CEP85: variants seen among roughly 807,000 people sequenced by gnomAD.
CEP85 encodes centrosomal protein of 85 kDa.
In CEP85, 58 loss-of-function variants were observed where a neutral mutation model predicts 93.7. That is an observed-to-expected ratio of 0.62 (90% confidence interval 0.50 to 0.77). CEP85 has a LOEUF of 0.77. CEP85 is among the 30% of genes least tolerant of loss of function. The probability of loss-of-function intolerance (pLI) is 0.00; values close to 1 mark genes in which losing one functional copy is unlikely to be tolerated. For synonymous variants in CEP85, 314 were observed against 338.6 expected, an observed-to-expected ratio of 0.93 and a Z score of 0.80; for missense variants, 868 against 922.0, an observed-to-expected ratio of 0.94 and a Z score of 0.76.
chr1:26,250,879 G>A (rs1322022581), intron 3 of CEP85, among the ~76,000 whole-genome samples: 3 of 149,600 alleles, frequency 2.0e-5, no homozygotes, highest in Non-Finnish European at 4.4e-5. Context: ...TAACATGGTG[G>A]AAAAGCAGAG....
At chr1:26,276,956 G>A (rs34306014) in intron 13 of CEP85, among the ~76,000 whole-genome samples, 180 bp from the exon 14 acceptor site, 130 of 152,322 alleles carry the variant, frequency 8.5e-4, no homozygotes, top group Non-Finnish European at 1.6e-3. Flanking sequence ...TGGGGTACTT[G>A]CATGCAGGAC....
chr1:26,271,006 T>G lies in CEP85; in HGVS notation c.1650-8T>G. 6.3e-7 allele frequency: 1 copy of G among 1,592,586 alleles called. No individual in the cohort carries two copies. The highest frequency in any genetic ancestry group is 8.6e-7 in the Non-Finnish European group (1 of 1,160,786). On this transcript the variant is annotated splice_region_variant and splice_polypyrimidine_tract_variant and intron_variant, in intron 9 of 13. Coordinates refer to ENST00000451429, the MANE Select transcript of CEP85 (RefSeq NM_001319944.2). ...TTCAGAGTTCTTGAAGAGGCCACTG[T>G]CTTTCAGCCTGCAAGATAAACAGTC...
intron 2 of CEP85, among the ~76,000 whole-genome samples, chr1:26,242,814 G>A (rs200161084): frequency 7.2e-6 from 1 of 138,090 alleles, no homozygotes; most frequent in Non-Finnish European, 1.6e-5. Context: ...TTGTTTATTT[G>A]TTTACATGGA....
chr1:26,270,160 G>T (rs1042146578), intron 9 of CEP85, among the ~76,000 whole-genome samples: 2 of 152,116 alleles, frequency 1.3e-5, no homozygotes, highest in Non-Finnish European at 2.9e-5. Context: ...CTAACCCAGT[G>T]CCTGGCACAT....
intron 9 of CEP85, among the ~76,000 whole-genome samples, chr1:26,270,009 C>T (rs1042114472): frequency 2.0e-5 from 3 of 152,036 alleles, no homozygotes; most frequent in African/African-American, 7.2e-5. Flanking sequence ...ATCTCCTGAC[C>T]TCGTGATCCA....
intron 12 of CEP85, among the ~76,000 whole-genome samples, chr1:26,275,827 A>G (rs1351371392): frequency 6.6e-6 from 1 of 152,216 alleles, no homozygotes; most frequent in Non-Finnish European, 1.5e-5. Flanking sequence ...GACGGACTCT[A>G]TTCAGACTCT....
At chr1:26,265,074 C>T (rs1303083098) in intron 7 of CEP85, among the ~76,000 whole-genome samples, 1 of 150,146 alleles carries the variant, frequency 6.7e-6, no homozygotes, top group Non-Finnish European at 1.5e-5. Flanking sequence ...GCCTCCATCT[C>T]CCGGGTTCAA....
chr1:26,251,854 A>G (rs2089622425), intron 3 of CEP85, among the ~76,000 whole-genome samples: 2 of 152,150 alleles, frequency 1.3e-5, no homozygotes, highest in Admixed American at 6.6e-5. Flanking sequence ...ACAACCTCAC[A>G]GTCTTCTGTT....
At chr1:26,241,802 C>T (rs1052056001) in intron 2 of CEP85, among the ~76,000 whole-genome samples, 5 of 151,534 alleles carry the variant, frequency 3.3e-5, no homozygotes, top group African/African-American at 1.2e-4. Context: ...TGTTCTGTGG[C>T]CCAGGCTGGA....
chr1:26,245,552 CTTAAGTA>C (rs1442768919), intron 3 of CEP85, among the ~76,000 whole-genome samples: 1 of 152,132 alleles, frequency 6.6e-6, no homozygotes, highest in Non-Finnish European at 1.5e-5. Context: ...TGTTTTCACA[CTTAAGTA>C]TTGACAGGCA....
rs1202406917 is a variant in CEP85, at chr1:26,257,622, A to G, written c.929A>G (p.His310Arg). Residue 310 changes from histidine (H) to arginine (R), a missense_variant, in exon 5 of 14, where the codon CAT becomes CGT. His to Arg is a conservative substitution (Grantham distance 29). Coordinates refer to ENST00000451429, the MANE Select transcript of CEP85 (RefSeq NM_001319944.2). ...MQLQNGAICH[H>R]PAAFGPSLPI... is the part of the protein sequence containing the mutation. ...CTTCAGAATGGAGCCATCTGCCACCATCCTGCTGCTTTTGGTCCTTCACTG... is the reference window on the plus strand; with the variant it reads ...CTTCAGAATGGAGCCATCTGCCACCGTCCTGCTGCTTTTGGTCCTTCACTG... 1 of 1,614,084 alleles carries G rather than the reference A, an allele frequency of 6.2e-7. No individual in the cohort carries two copies. Among genetic ancestry groups the G allele is most frequent in the African/African-American group, 1.3e-5 (1 of 74,938 alleles).
intron 13 of CEP85, 75 bp from the exon 14 acceptor site, chr1:26,277,061 C>A: frequency 7.7e-6 from 11 of 1,429,370 alleles, no homozygotes; most frequent in Non-Finnish European, 1.1e-5. Context: ...CAAGATACTG[C>A]CTATCCATAC....
chr1:26,275,195 TG>T, intron 12 of CEP85, 124 bp downstream of exon 12: 1 of 662,078 alleles, frequency 1.5e-6, no homozygotes. Flanking sequence ...TACTGAGCTC[TG>T]GGGGCAGAGG....
In CEP85 at chr1:26,239,760, A is replaced by G; in HGVS notation, c.-22-2A>G. The stretch of plus-strand genomic sequence containing the variant: ...CTGACTGGTTATTCCTTCATTCTAC[A>G]GTTGGCTTAAATAACTGTGATTGAT... On this transcript the variant is annotated splice_acceptor_variant, in intron 1 of 13. Coordinates refer to ENST00000451429, the MANE Select transcript of CEP85 (RefSeq NM_001319944.2). LOFTEE classifies it low-confidence loss of function (5UTR_SPLICE). 2 of 1,582,588 alleles carry G rather than the reference A, an allele frequency of 1.3e-6. No individual in the cohort carries two copies. Among genetic ancestry groups the G allele is most frequent in the Admixed American group, 1.7e-5 (1 of 59,976 alleles).
intron 3 of CEP85, among the ~76,000 whole-genome samples, chr1:26,252,563 A>G (rs898254088): frequency 6.6e-6 from 1 of 152,162 alleles, no homozygotes; most frequent in African/African-American, 2.4e-5. Context: ...TGTATTGCTT[A>G]CTAGTCTTTG....
At chr1:26,240,481 T>C (rs1280127372) in intron 2 of CEP85, among the ~76,000 whole-genome samples, 3 of 152,092 alleles carry the variant, frequency 2.0e-5, no homozygotes, top group African/African-American at 7.2e-5. Context: ...CCCAATGCAA[T>C]GTAAATGCTA....
intron 2 of CEP85, among the ~76,000 whole-genome samples, chr1:26,241,869 C>G (rs1011801205): frequency 1.3e-5 from 2 of 151,666 alleles, no homozygotes; most frequent in Non-Finnish European, 2.9e-5. Flanking sequence ...TTAAGTGATT[C>G]TTGTGCCTCA....
At position 26,276,758 on chromosome 1, in the gene CEP85, A is replaced by G; in HGVS notation, c.2126A>G (p.His709Arg). ...AATCTCTCCCTGCTCCTGGGCATTC[A>G]CTGTGAGTCCTCAGACCAGTCTGGG... ...DPNLSLLLGI[H>R]SQHPETQLDL... is the part of the protein sequence containing the mutation. Residue 709 changes from histidine to arginine, a missense_variant and splice_region_variant, in exon 13 of 14, where the codon CAC (histidine) becomes CGC (arginine). His to Arg is a conservative substitution (Grantham distance 29). Transcript: ENST00000451429. 2 of 1,612,114 alleles carry G rather than the reference A, an allele frequency of 1.2e-6. No individual in the cohort carries two copies. Among genetic ancestry groups the G allele is most frequent in the Non-Finnish European group, 1.7e-6 (2 of 1,178,558 alleles).
At chr1:26,265,601 C>T (rs1225402071) in intron 7 of CEP85, among the ~76,000 whole-genome samples, 3 of 152,112 alleles carry the variant, frequency 2.0e-5, no homozygotes, top group East Asian at 3.8e-4. Context: ...AGGGAATTCC[C>T]CTATTTTTCA....
Sources: allele counts gnomAD v4.1 joint callset (sites outside exome capture counted in the v4.1 genomes callset), GRCh38; gene constraint gnomAD v4.1.1; transcripts MANE v1.5; gene names NCBI Gene and HGNC (gene_info 2026-07-23, HGNC 2026-07-21).